The following NOS1 variants were observed in gnomAD, a reference collection of about 807,000 sequenced individuals.
NOS1 encodes the protein nitric oxide synthase 1.
A neutral mutation model predicts 164.5 loss-of-function variants in NOS1; 51 were observed. The ratio of observed to expected loss-of-function variants is 0.31; its 90% CI spans 0.25 to 0.39. NOS1 has a LOEUF of 0.39. NOS1 is among the 10% of genes least tolerant of loss of function. NOS1 has a pLI of 1.00. For missense variants in NOS1, 1,362 were observed against 1,885.6 expected, an observed-to-expected ratio of 0.72 and a Z score of 5.14; for synonymous variants, 719 against 745.8, an observed-to-expected ratio of 0.96 and a Z score of 0.59.
At chr12:117,224,738 C>T (rs186828510) in intron 25 of NOS1, among the ~76,000 whole-genome samples, 1 of 152,316 alleles carries the variant, frequency 6.6e-6, no homozygotes, top group African/African-American at 2.4e-5. Flanking sequence ...AGGACTAATG[C>T]CTATCTTTTC....
At chr12:117,323,479 C>T (rs1875087015) in intron 2 of NOS1, among the ~76,000 whole-genome samples, 2 of 152,192 alleles carry the variant, frequency 1.3e-5, no homozygotes, top group Non-Finnish European at 1.5e-5. Flanking sequence ...CCTGGCTTTG[C>T]TACTTGCTAG....
intron 7 of NOS1, among the ~76,000 whole-genome samples, chr12:117,284,449 A>C (rs1873937319): frequency 6.6e-6 from 1 of 152,194 alleles, no homozygotes; most frequent in African/African-American, 2.4e-5. Context: ...AGACGAGTCC[A>C]AGGCATGGCT....
rs1039563360 is a variant in NOS1 at position 117,208,271 on chromosome 12, C to T, written c.*7038G>A. The T allele has an allele frequency of 1.9e-4, 243 of 1,287,020 alleles. No homozygotes were observed. Among genetic ancestry groups the T allele is most frequent in the Non-Finnish European group, 2.3e-4 (229 of 987,452 alleles). The allele number at this position is 1,287,020 out of a possible 1,614,324, so 79.7% of individuals were successfully genotyped here. A position where few individuals can be genotyped will look rare whatever the true frequency, so the allele number is the denominator to read the frequency against. On this transcript the variant is annotated 3_prime_UTR_variant, in exon 29 of 29. Coordinates refer to ENST00000317775, the MANE Select transcript of NOS1 (RefSeq NM_000620.5). ...GCGACAAACACAGCCTGGACAACCT[C>T]GCAAAGAGCGTGGGGTGGGCGTCAG...
intron 1 of NOS1, among the ~76,000 whole-genome samples, chr12:117,341,832 T>C (rs16947485): frequency 0.025 from 3,839 of 152,280 alleles, 150 homozygotes; most frequent in African/African-American, 0.075. Flanking sequence ...TGGAAACCAA[T>C]AAATCACATG....
At chr12:117,263,548 C>G (rs951075017) in intron 13 of NOS1, among the ~76,000 whole-genome samples, 1 of 150,862 alleles carries the variant, frequency 6.6e-6, no homozygotes, top group Non-Finnish European at 1.5e-5. Flanking sequence ...ATCATGGAAA[C>G]TGGCAAACAT....
chr12:117,277,657 G>T (rs2136005600), intron 9 of NOS1, among the ~76,000 whole-genome samples: 1 of 152,276 alleles, frequency 6.6e-6, no homozygotes, highest in Middle Eastern at 3.4e-3. Context: ...CTCGCAACAA[G>T]AAAGTATGGT....
chr12:117,285,365 C>T, intron 6 of NOS1, 33 bp from the exon 7 acceptor site: 4 of 1,459,498 alleles, frequency 2.7e-6, no homozygotes, highest in East Asian at 2.3e-5. Context: ...CTGATTGCCT[C>T]TTCTTTCCCT....
In NOS1 at chr12:117,331,429, A is replaced by G; in HGVS notation, c.-360T>C. 4.4e-6 allele frequency: 1 copy of G among 229,676 alleles called. No homozygotes were observed. Among genetic ancestry groups the G allele is most frequent in the Non-Finnish European group, 8.7e-6 (1 of 115,588 alleles). The allele number at this position is 229,676 out of a possible 1,614,324, so 14.2% of individuals were successfully genotyped here. On this transcript the variant is annotated 5_prime_UTR_variant, in exon 2 of 29. An upstream open reading frame in the 5' UTR loses its in-frame stop. Transcript: ENST00000317775. ...AAGTGACGCATGATAGATGTGAACT[A>G]TTCTCTGGGTATCTTCATTGCCAGC...
intron 25 of NOS1, 150 bp downstream of exon 25, chr12:117,224,866 G>C (rs1009212935): frequency 4.9e-5 from 47 of 964,514 alleles, no homozygotes; most frequent in Admixed American, 1.2e-4. Flanking sequence ...AACTTCACCT[G>C]TAGGTCAGGC....
chr12:117,255,715 T>C (rs1307695742), intron 16 of NOS1, among the ~76,000 whole-genome samples: 3 of 152,150 alleles, frequency 2.0e-5, no homozygotes, highest in Non-Finnish European at 2.9e-5. Flanking sequence ...GCCACAGAAG[T>C]GGGTAGGGCA....
Position 117,247,623 on chromosome 12 carries a change from T to C in NOS1, c.2649-101A>G, listed in dbSNP as rs1870730715. 3.4e-5 allele frequency: 35 copies of C among 1,020,498 alleles called. No individual in the cohort carries two copies. The South Asian group carries it at 5.7e-4, about 17-fold the overall frequency. The allele number at this position is 1,020,498 out of a possible 1,614,324, so 63.2% of individuals were successfully genotyped here. A position where few individuals can be genotyped will look rare whatever the true frequency, so the allele number is the denominator to read the frequency against. On this transcript the variant is annotated intron_variant, in intron 17 of 28. Transcript: ENST00000317775. Reference sequence around the variant, plus strand: ...ACTGTGTCCCCCCAAATTTCATATATTAAAACTCTAATCTCCTCACAATTG... The same window carrying C: ...ACTGTGTCCCCCCAAATTTCATATACTAAAACTCTAATCTCCTCACAATTG...
chr12:117,285,049 C>CA (rs10655356), intron 7 of NOS1, among the ~76,000 whole-genome samples, 192 bp downstream of exon 7: 140 of 134,598 alleles, frequency 1.0e-3, no homozygotes, highest in East Asian at 5.2e-3. Flanking sequence ...GACTCTGTCT[C>CA]AAAAAAAAAA....
At chr12:117,242,810 G>A in intron 19 of NOS1, 105 bp from the exon 20 acceptor site, 1 of 947,136 alleles carries the variant, frequency 1.1e-6, no homozygotes, top group South Asian at 1.4e-5. Context: ...CAACTACTTA[G>A]GAGGCTGAGG....
rs540886861 is a variant in NOS1 at position 117,331,384 on chromosome 12, C to T, written c.-315G>A. The T allele has an allele frequency of 5.2e-4, 191 of 368,142 alleles. No homozygotes were observed. The highest frequency in any genetic ancestry group is 1.6e-3 in the African/African-American group (79 of 49,636). The allele number at this position is 368,142 out of a possible 1,614,324, so 22.8% of individuals were successfully genotyped here. A position where few individuals can be genotyped will look rare whatever the true frequency, so the allele number is the denominator to read the frequency against. The stretch of plus-strand genomic sequence containing the variant: ...GGTCAGGCAGAAAGGGGAGGAGATG[C>T]GTCTGATGGCTGTGTCTAGAAGTGA... On this transcript the variant is annotated 5_prime_UTR_variant, in exon 2 of 29. Transcript: ENST00000317775.
At chr12:117,311,303 G>C (rs189227080) in intron 3 of NOS1, among the ~76,000 whole-genome samples, 163 bp downstream of exon 3, 1 of 152,254 alleles carries the variant, frequency 6.6e-6, no homozygotes, top group East Asian at 1.9e-4. Context: ...CACATCCGAG[G>C]ATAAGCACTC....
At chr12:117,324,070 T>C (rs1444360325) in intron 2 of NOS1, among the ~76,000 whole-genome samples, 2 of 152,052 alleles carry the variant, frequency 1.3e-5, no homozygotes, top group Non-Finnish European at 2.9e-5. Flanking sequence ...CCACCACACC[T>C]GGCCTGTCTC....
chr12:117,228,843 C>T (rs192178590), intron 22 of NOS1, among the ~76,000 whole-genome samples: 81 of 152,218 alleles, frequency 5.3e-4, no homozygotes, highest in African/African-American at 1.8e-3. Flanking sequence ...TGCAACGGCA[C>T]GATCTTGGCT....
intron 2 of NOS1, among the ~76,000 whole-genome samples, chr12:117,323,448 A>T (rs1875084421): frequency 6.6e-6 from 1 of 152,240 alleles, no homozygotes. Context: ...AGAGGCCAAG[A>T]GTACGAATTT....
chr12:117,284,492 T>C (rs913823345), intron 7 of NOS1, among the ~76,000 whole-genome samples: 1 of 152,172 alleles, frequency 6.6e-6, no homozygotes, highest in Non-Finnish European at 1.5e-5. Flanking sequence ...GCAGTTCCCA[T>C]TGTATCAGCA....
Sources: allele counts gnomAD v4.1 joint callset (sites outside exome capture counted in the v4.1 genomes callset), GRCh38; gene constraint gnomAD v4.1.1; transcripts MANE v1.5; gene names NCBI Gene and HGNC (gene_info 2026-07-23, HGNC 2026-07-21).